The following MTUS2 variants were observed in gnomAD, a reference collection of about 807,000 sequenced individuals.
The protein encoded by MTUS2 is microtubule-associated tumor suppressor candidate 2.
In MTUS2, 40 loss-of-function variants were observed where a neutral mutation model predicts 114.1. That is an observed-to-expected ratio of 0.35 (90% CI 0.27 to 0.46). The LOEUF (loss-of-function observed/expected upper bound fraction) is 0.46. Ranked by LOEUF, MTUS2 falls within the 20% of genes least tolerant of loss-of-function variation. The pLI is 1.00. For missense variants in MTUS2, 1,679 were observed against 1,705.4 expected, an observed-to-expected ratio of 0.98 and a Z score of 0.27; for synonymous variants, 688 against 672.0, an observed-to-expected ratio of 1.02 and a Z score of -0.37.
intron 5 of MTUS2, among the ~76,000 whole-genome samples, chr13:29,244,727 C>T (rs1444167139): frequency 2.0e-5 from 3 of 151,670 alleles, no homozygotes; most frequent in Admixed American, 6.6e-5. Context: ...GAGGCCGAGG[C>T]GGGCGGATCA....
At chr13:29,349,506 G>A (rs1869041566) in intron 7 of MTUS2, among the ~76,000 whole-genome samples, 1 of 94,442 alleles carries the variant, frequency 1.1e-5, no homozygotes, top group Non-Finnish European at 2.4e-5. Context: ...GTGTAGATCT[G>A]CACTTCTATC....
chr13:29,465,623 A>G (rs1400277025), intron 9 of MTUS2, among the ~76,000 whole-genome samples: 1 of 152,074 alleles, frequency 6.6e-6, no homozygotes, highest in Non-Finnish European at 1.5e-5. Context: ...ATCTGGTCCC[A>G]ACTTGTTGCT....
At chr13:28,836,685 T>C (rs1162818117) in intron 1 of MTUS2, among the ~76,000 whole-genome samples, 1 of 152,058 alleles carries the variant, frequency 6.6e-6, no homozygotes, top group African/African-American at 2.4e-5. Context: ...AGAGGCATTC[T>C]AGGAGGAGGC....
At chr13:28,941,738 A>C (rs189009) in intron 2 of MTUS2, among the ~76,000 whole-genome samples, 132,159 of 152,076 alleles carry the variant, frequency 0.87, 58,102 homozygotes, top group Non-Finnish European at 0.95. Context: ...TCAAACTTGG[A>C]AAGTGGTAGT....
intron 5 of MTUS2, among the ~76,000 whole-genome samples, chr13:29,280,680 T>A (rs1450696374): frequency 6.6e-6 from 1 of 152,224 alleles, no homozygotes; most frequent in Non-Finnish European, 1.5e-5. Flanking sequence ...CCAGCTGTCA[T>A]GGCTTATTTT....
At chr13:29,494,757 G>A (rs781416111) in intron 12 of MTUS2, among the ~76,000 whole-genome samples, 4 of 152,122 alleles carry the variant, frequency 2.6e-5, no homozygotes, top group Non-Finnish European at 4.4e-5. Flanking sequence ...AATGGAAGTA[G>A]GCTGGGCACG....
intron 15 of MTUS2, 82 bp from the exon 16 acceptor site, chr13:29,502,911 C>T: frequency 7.1e-7 from 1 of 1,413,604 alleles, no homozygotes. Context: ...GGCCTCCTCC[C>T]TTTGCCCTGC....
chr13:28,949,172 G>A (rs953201658), intron 2 of MTUS2, among the ~76,000 whole-genome samples: 2 of 152,154 alleles, frequency 1.3e-5, no homozygotes, highest in Admixed American at 1.3e-4. Context: ...CCCTCCTTAG[G>A]GAAAATAAAC....
At chr13:28,907,486 G>T (rs774460016) in intron 2 of MTUS2, among the ~76,000 whole-genome samples, 1 of 151,500 alleles carries the variant, frequency 6.6e-6, no homozygotes, top group South Asian at 2.1e-4. Flanking sequence ...AGACCCATCA[G>T]TGTGCTGTAT....
intron 4 of MTUS2, among the ~76,000 whole-genome samples, chr13:29,079,273 A>G (rs1889336386): frequency 6.6e-6 from 1 of 150,796 alleles, no homozygotes; most frequent in South Asian, 2.1e-4. Flanking sequence ...AAATTTGGTT[A>G]TTTTTCTTTT....
chr13:29,114,536 C>T (rs1891008009), intron 5 of MTUS2, among the ~76,000 whole-genome samples: 1 of 151,800 alleles, frequency 6.6e-6, no homozygotes, highest in South Asian at 2.1e-4. Context: ...TGGACAGTAT[C>T]AAAACTAGAA....
At chr13:29,401,488 C>T (rs774807589) in intron 8 of MTUS2, among the ~76,000 whole-genome samples, 1 of 152,114 alleles carries the variant, frequency 6.6e-6, no homozygotes, top group South Asian at 2.1e-4. Flanking sequence ...CAAAAGTTTT[C>T]GTTTTTCTGT....
At chr13:28,999,160 G>A (rs559329134) in intron 2 of MTUS2, among the ~76,000 whole-genome samples, 1 of 152,234 alleles carries the variant, frequency 6.6e-6, no homozygotes, top group East Asian at 1.9e-4. Context: ...GTCCACTCCA[G>A]ACCCTGTTTG....
At chr13:28,953,993 G>A (rs1882937688) in intron 2 of MTUS2, among the ~76,000 whole-genome samples, 1 of 152,134 alleles carries the variant, frequency 6.6e-6, no homozygotes, top group Admixed American at 6.5e-5. Context: ...AGACAAATGT[G>A]TCAATGGAAC....
At chr13:29,051,451 C>T (rs372388116) in intron 4 of MTUS2, among the ~76,000 whole-genome samples, 19 of 152,222 alleles carry the variant, frequency 1.2e-4, no homozygotes, top group African/African-American at 4.6e-4. Flanking sequence ...GTCAGGGGTT[C>T]TTGAAGAGGT....
chr13:29,458,273 G>A (rs923362176), intron 9 of MTUS2, among the ~76,000 whole-genome samples: 3 of 152,176 alleles, frequency 2.0e-5, no homozygotes, highest in African/African-American at 7.2e-5. Flanking sequence ...GACTGACTCA[G>A]AATGGCCTAA....
chr13:28,932,486 A>G (rs911719676), intron 2 of MTUS2, among the ~76,000 whole-genome samples: 4 of 152,078 alleles, frequency 2.6e-5, no homozygotes, highest in African/African-American at 9.7e-5. Context: ...TATATTAGCA[A>G]ATGTGATGTA....
intron 4 of MTUS2, among the ~76,000 whole-genome samples, chr13:29,073,423 C>T (rs893243989): frequency 2.0e-5 from 3 of 152,134 alleles, no homozygotes; most frequent in Non-Finnish European, 4.4e-5. Flanking sequence ...CTCTTTCTGG[C>T]CTGGATATTA....
intron 5 of MTUS2, among the ~76,000 whole-genome samples, chr13:29,145,129 T>G (rs1892377615): frequency 6.6e-6 from 1 of 152,208 alleles, no homozygotes; most frequent in African/African-American, 2.4e-5. Flanking sequence ...AGTTCACATA[T>G]ACTAGCAATA....
Sources: gnomAD v4.1 joint callset for allele counts (sites outside exome capture counted in the v4.1 genomes callset) on GRCh38, gnomAD v4.1.1 for gene constraint, MANE v1.5 for transcripts, NCBI Gene and HGNC (gene_info 2026-07-23, HGNC 2026-07-21) for gene names.